Variants in NRXN1 observed in about 807,000 individuals in gnomAD.
NRXN1 encodes the protein neurexin 1, also known as neurexin-1.
A neutral mutation model predicts 150.9 loss-of-function variants in NRXN1; 39 were observed. The ratio of observed to expected loss-of-function variants is 0.26; its 90% CI spans 0.20 to 0.34. The LOEUF (loss-of-function observed/expected upper bound fraction) is 0.34. Ranked by LOEUF, NRXN1 falls within the 10% of genes least tolerant of loss-of-function variation. The pLI is 1.00. For missense variants in NRXN1, 1,815 were observed against 1,949.9 expected (o/e 0.93, Z 1.30); for synonymous variants, 924 against 757.0 (o/e 1.22, Z -3.62).
chr2:50,056,693 T>C (rs1693683335), intron 19 of NRXN1, among the ~76,000 whole-genome samples: 1 of 152,160 alleles, frequency 6.6e-6, no homozygotes, highest in African/African-American at 2.4e-5. Flanking sequence ...TTTTTTTTAA[T>C]GTAATATTAG....
chr2:50,689,259 T>G (rs1276017407), intron 5 of NRXN1, among the ~76,000 whole-genome samples: 4 of 152,178 alleles, frequency 2.6e-5, no homozygotes, highest in Non-Finnish European at 4.4e-5. Context: ...TCAGAAATGT[T>G]GGAAGCCAAA....
At chr2:51,005,270 C>A (rs1052712060) in intron 2 of NRXN1, among the ~76,000 whole-genome samples, 3 of 152,002 alleles carry the variant, frequency 2.0e-5, no homozygotes, top group South Asian at 2.1e-4. Flanking sequence ...AGAAAAAAAT[C>A]TACACATTTT....
intron 4 of NRXN1, among the ~76,000 whole-genome samples, chr2:50,922,136 A>T (rs1686135901): frequency 6.6e-6 from 1 of 151,898 alleles, no homozygotes; most frequent in South Asian, 2.1e-4. Flanking sequence ...AAGATCACAC[A>T]AAAGAGAGAC....
chr2:49,961,320 G>GCA (rs71401054), intron 21 of NRXN1, among the ~76,000 whole-genome samples: 11,978 of 145,674 alleles, frequency 0.082, 517 homozygotes, highest in South Asian at 0.11. Context: ...GCGCACGCAT[G>GCA]CACACACACA....
chr2:50,846,574 C>A (rs377395856), intron 5 of NRXN1, among the ~76,000 whole-genome samples: 1 of 152,154 alleles, frequency 6.6e-6, no homozygotes, highest in East Asian at 1.9e-4. Context: ...AGATCTTACA[C>A]CATAAAAGGC....
intron 21 of NRXN1, among the ~76,000 whole-genome samples, chr2:50,015,266 A>G (rs1411627030): frequency 6.6e-6 from 1 of 152,040 alleles, no homozygotes; most frequent in Admixed American, 6.6e-5. Flanking sequence ...CTTTATGATT[A>G]GAGCTGTTCC....
intron 18 of NRXN1, among the ~76,000 whole-genome samples, chr2:50,197,886 C>T (rs1466510668): frequency 6.6e-6 from 1 of 152,258 alleles, no homozygotes. Flanking sequence ...TATTGCAAGT[C>T]AAGTCACAAA....
At chr2:50,689,566 A>AT (rs1444695138) in intron 5 of NRXN1, among the ~76,000 whole-genome samples, 8 of 152,104 alleles carry the variant, frequency 5.3e-5, no homozygotes, top group Non-Finnish European at 1.0e-4. Context: ...TTTGGTCTAT[A>AT]TTTTTAATCT....
chr2:50,744,101 G>A (rs1699745239), intron 5 of NRXN1, among the ~76,000 whole-genome samples: 1 of 151,992 alleles, frequency 6.6e-6, no homozygotes, highest in South Asian at 2.1e-4. Flanking sequence ...TTATATACAA[G>A]ACCTGAGCTA....
At chr2:50,732,060 G>A (rs924226779) in intron 5 of NRXN1, among the ~76,000 whole-genome samples, 4 of 152,086 alleles carry the variant, frequency 2.6e-5, no homozygotes, top group Admixed American at 6.5e-5. Flanking sequence ...ATATATGTAC[G>A]TGACCAATGA....
chr2:50,492,171 G>C (rs1449492840), intron 15 of NRXN1, among the ~76,000 whole-genome samples: 3 of 152,176 alleles, frequency 2.0e-5, no homozygotes, highest in African/African-American at 7.2e-5. Context: ...AGCTAGGCTA[G>C]GAAATCATTC....
chr2:50,250,982 T>C (rs2066991854), intron 17 of NRXN1, among the ~76,000 whole-genome samples: 1 of 147,766 alleles, frequency 6.8e-6, no homozygotes, highest in Admixed American at 6.8e-5. Flanking sequence ...ATTGCATATG[T>C]AATAAATTTA....
At chr2:50,241,396 G>A (rs1027349388) in intron 17 of NRXN1, among the ~76,000 whole-genome samples, 15 of 151,750 alleles carry the variant, frequency 9.9e-5, no homozygotes, top group Non-Finnish European at 1.9e-4. Context: ...GAACATAGAG[G>A]AATGTGTCAC....
chr2:50,971,067 T>C (rs529310170), intron 2 of NRXN1, among the ~76,000 whole-genome samples: 56 of 152,294 alleles, frequency 3.7e-4, no homozygotes, highest in African/African-American at 1.2e-3. Flanking sequence ...AAAGGGTCTA[T>C]CTACAAACTT....
chr2:49,985,510 T>A (rs529058316), intron 21 of NRXN1, among the ~76,000 whole-genome samples: 1 of 152,302 alleles, frequency 6.6e-6, no homozygotes, highest in Admixed American at 6.5e-5. Context: ...CTTTAGAAAA[T>A]GTTAGGCTTT....
At chr2:50,210,700 A>C (rs996680521) in intron 18 of NRXN1, among the ~76,000 whole-genome samples, 4 of 151,660 alleles carry the variant, frequency 2.6e-5, no homozygotes, top group African/African-American at 7.2e-5. Context: ...TTTGACTATG[A>C]ATAAAAACCC....
intron 21 of NRXN1, among the ~76,000 whole-genome samples, chr2:50,003,223 G>A (rs765971074): frequency 2.6e-5 from 4 of 152,048 alleles, no homozygotes; most frequent in Non-Finnish European, 5.9e-5. Context: ...CCTACAACAG[G>A]TACAGAGATG....
intron 18 of NRXN1, among the ~76,000 whole-genome samples, chr2:50,175,479 T>C (rs1294552457): frequency 2.6e-5 from 4 of 152,050 alleles, no homozygotes; most frequent in Admixed American, 6.6e-5. Context: ...ATTTCATGAA[T>C]GGGTCACTCT....
chr2:49,973,768 T>C, intron 21 of NRXN1: 1 of 555,374 alleles, frequency 1.8e-6, no homozygotes, highest in Non-Finnish European at 3.2e-6. Flanking sequence ...AAACAACCTT[T>C]CCACATTTCA....
Sources: allele counts gnomAD v4.1 joint callset (sites outside exome capture counted in the v4.1 genomes callset), GRCh38; gene constraint gnomAD v4.1.1; transcripts MANE v1.5; gene names NCBI Gene and HGNC (gene_info 2026-07-23, HGNC 2026-07-21).